The following RBFOX1 variants were observed in gnomAD, a reference collection of about 807,000 sequenced individuals.
The protein encoded by RBFOX1 is RNA binding protein fox-1 homolog 1.
A neutral mutation model predicts 57.7 loss-of-function variants in RBFOX1; 8 were observed. The observed-to-expected ratio is 0.14, with a 90% confidence interval of 0.08 to 0.25. RBFOX1 has a LOEUF of 0.25. Among genes scored for constraint, RBFOX1 ranks in the 10% least tolerant of loss-of-function variants. The pLI is 1.00. For missense variants in RBFOX1, 611 were observed against 548.5 expected, an observed-to-expected ratio of 1.11 and a Z score of -1.14; for synonymous variants, 326 against 222.4, an observed-to-expected ratio of 1.47 and a Z score of -4.15.
At chr16:5,999,894 A>T (rs1441225293) in intron 4 of RBFOX1, among the ~76,000 whole-genome samples, 1 of 81,186 alleles carries the variant, frequency 1.2e-5, no homozygotes, top group East Asian at 3.1e-4. Flanking sequence ...AAAAAAAAAA[A>T]AAAAAAAAAA....
chr16:7,676,661 CAACTT>C (rs1279011544), intron 13 of RBFOX1, 108 bp from the exon 14 acceptor site: 34 of 914,420 alleles, frequency 3.7e-5, no homozygotes, highest in Non-Finnish European at 5.2e-5. Context: ...TCATTAACCT[CAACTT>C]TAGCTCAGTA....
intron 2 of RBFOX1, among the ~76,000 whole-genome samples, chr16:6,391,412 A>C (rs2092595233): frequency 6.6e-6 from 1 of 151,678 alleles, no homozygotes; most frequent in Admixed American, 6.6e-5. Context: ...GGGGAGGCTG[A>C]GGCAGGAGAA....
intron 3 of RBFOX1, among the ~76,000 whole-genome samples, chr16:7,038,436 C>T (rs1367139548): frequency 6.6e-6 from 1 of 152,102 alleles, no homozygotes; most frequent in Non-Finnish European, 1.5e-5. Flanking sequence ...TGCCTTGGTT[C>T]ACAAAATACC....
chr16:6,137,033 T>C (rs2096672049), intron 1 of RBFOX1, among the ~76,000 whole-genome samples: 1 of 152,252 alleles, frequency 6.6e-6, no homozygotes, highest in South Asian at 2.1e-4. Flanking sequence ...CTTGCTTTTT[T>C]GTTTTGCTTC....
chr16:6,849,745 C>A (rs2093965961), intron 3 of RBFOX1, among the ~76,000 whole-genome samples: 1 of 152,154 alleles, frequency 6.6e-6, no homozygotes, highest in Admixed American at 6.6e-5. Flanking sequence ...CTACATCCCA[C>A]ATATCCCTAA....
chr16:6,597,950 C>A (rs997395659), intron 2 of RBFOX1, among the ~76,000 whole-genome samples: 1 of 152,214 alleles, frequency 6.6e-6, no homozygotes, highest in Admixed American at 6.5e-5. Context: ...GTAGAAGGAA[C>A]TTTGGTCCTT....
At chr16:6,979,362 A>T (rs2088009651) in intron 3 of RBFOX1, among the ~76,000 whole-genome samples, 1 of 139,630 alleles carries the variant, frequency 7.2e-6, no homozygotes, top group Non-Finnish European at 1.5e-5. Flanking sequence ...AATTATGAAA[A>T]CATTAGTTGA....
chr16:6,772,714 A>G (rs543128547), intron 3 of RBFOX1, among the ~76,000 whole-genome samples: 23 of 121,996 alleles, frequency 1.9e-4, no homozygotes, highest in African/African-American at 5.9e-4. Flanking sequence ...ATGCATTTGT[A>G]TGTGTGTGAT....
intron 4 of RBFOX1, among the ~76,000 whole-genome samples, chr16:7,512,122 G>T (rs904680127): frequency 1.2e-4 from 19 of 152,106 alleles, no homozygotes; most frequent in Non-Finnish European, 8.8e-5. Flanking sequence ...GTGGGGGTTT[G>T]GCATTGGAGT....
chr16:7,488,307 T>G (rs893046613), intron 4 of RBFOX1, among the ~76,000 whole-genome samples: 5 of 152,182 alleles, frequency 3.3e-5, no homozygotes, highest in African/African-American at 1.2e-4. Context: ...CTCTGCATTT[T>G]TCTCCTTTTC....
chr16:5,354,760 G>A (rs1416945135), intron 1 of RBFOX1, among the ~76,000 whole-genome samples: 1 of 152,194 alleles, frequency 6.6e-6, no homozygotes, highest in Non-Finnish European at 1.5e-5. Context: ...CATTTCGAAG[G>A]TACCAGGGCA....
chr16:6,264,548 A>T (rs565445093), intron 1 of RBFOX1, among the ~76,000 whole-genome samples: 5 of 152,000 alleles, frequency 3.3e-5, no homozygotes, highest in African/African-American at 4.8e-5. Flanking sequence ...CGCTCACATC[A>T]CTACAGCCAC....
intron 3 of RBFOX1, among the ~76,000 whole-genome samples, chr16:6,763,254 G>A (rs142801889): frequency 1.1e-4 from 17 of 152,294 alleles, no homozygotes; most frequent in African/African-American, 4.1e-4. Flanking sequence ...TCAATAAATG[G>A]TTTATCACAA....
chr16:6,266,411 C>G (rs900356323), intron 1 of RBFOX1, among the ~76,000 whole-genome samples: 10 of 152,050 alleles, frequency 6.6e-5, no homozygotes, highest in Admixed American at 6.6e-4. Flanking sequence ...ATCTAAGAGT[C>G]TTAGAATCTA....
intron 2 of RBFOX1, among the ~76,000 whole-genome samples, chr16:5,521,997 C>A (rs1026999838): frequency 6.6e-6 from 1 of 152,162 alleles, no homozygotes; most frequent in African/African-American, 2.4e-5. Flanking sequence ...TACACAGGGG[C>A]TGTGACTTCC....
At chr16:5,820,362 G>T (rs181660682) in intron 3 of RBFOX1, among the ~76,000 whole-genome samples, 2 of 152,296 alleles carry the variant, frequency 1.3e-5, no homozygotes, top group East Asian at 3.9e-4. Flanking sequence ...CCTGCAAGGG[G>T]GGAGGCAGGA....
At chr16:6,030,925 G>A (rs552565259) in intron 1 of RBFOX1, among the ~76,000 whole-genome samples, 1 of 152,300 alleles carries the variant, frequency 6.6e-6, no homozygotes, top group African/African-American at 2.4e-5. Context: ...GATACTGTAT[G>A]GGGTGGGTAT....
At chr16:6,129,057 A>G (rs933107139) in intron 1 of RBFOX1, among the ~76,000 whole-genome samples, 1 of 151,790 alleles carries the variant, frequency 6.6e-6, no homozygotes, top group Non-Finnish European at 1.5e-5. Context: ...TCAGAAGAAA[A>G]CATTATTAGC....
At chr16:6,293,783 C>T (rs889863791) in intron 1 of RBFOX1, among the ~76,000 whole-genome samples, 2 of 112,120 alleles carry the variant, frequency 1.8e-5, no homozygotes, top group African/African-American at 6.6e-5. Flanking sequence ...CCAGAGGGTC[C>T]AGGAATAGGA....
Sources: allele counts gnomAD v4.1 joint callset (sites outside exome capture counted in the v4.1 genomes callset), GRCh38; gene constraint gnomAD v4.1.1; transcripts MANE v1.5; gene names NCBI Gene and HGNC (gene_info 2026-07-23, HGNC 2026-07-21).